CCDC80: variants seen among roughly 807,000 people sequenced by gnomAD.
CCDC80 encodes coiled-coil domain containing 80, also known as coiled-coil domain-containing protein 80.
CCDC80 carries 49 observed loss-of-function variants against 78.7 expected under a neutral mutation model. The ratio of observed to expected loss-of-function variants is 0.62; its 90% CI spans 0.50 to 0.79. CCDC80 has a LOEUF of 0.79. Ranked by LOEUF, CCDC80 falls within the 30% of genes least tolerant of loss-of-function variation. The pLI, the probability that CCDC80 is intolerant of heterozygous loss-of-function variation, is 0.00. For missense variants in CCDC80, 1,205 were observed against 1,198.6 expected (o/e 1.01, Z -0.08); for synonymous variants, 488 against 447.0 (o/e 1.09, Z -1.16).
chr3:112,615,051 T>C (rs1358300160), intron 5 of CCDC80, among the ~76,000 whole-genome samples: 4 of 152,200 alleles, frequency 2.6e-5, no homozygotes, highest in African/African-American at 4.8e-5. Flanking sequence ...TGGATGGAGA[T>C]AGAGCTGCTT....
rs1194645584 is a variant in CCDC80, at chr3:112,597,637, A to G, written c.*7780T>C. The G allele has an allele frequency of 6.6e-6, 1 of 152,182 alleles. No homozygotes were observed. Among genetic ancestry groups the G allele is most frequent in the East Asian group, 1.9e-4 (1 of 5,196 alleles). 9.4% of individuals were successfully genotyped at this position (152,182 alleles called of 1,614,324 possible). On this transcript the variant is annotated 3_prime_UTR_variant, in exon 8 of 8. Transcript: ENST00000206423. Reference sequence around the variant, plus strand: ...GAGAGGTAAAAAATCTTCAGGAGAAACTGTGCCTGAACTGTGAGTATCCAG... The same window carrying G: ...GAGAGGTAAAAAATCTTCAGGAGAAGCTGTGCCTGAACTGTGAGTATCCAG...
In CCDC80 at chr3:112,640,414, T is replaced by C. The variant is rs1936318147; in HGVS notation, c.-99A>G. ...GACAGTTTCCTAGATGAACTACTTTTCCTCCCAGCCCTCTCTCTCTTTACC... is the reference window on the plus strand; with the variant it reads ...GACAGTTTCCTAGATGAACTACTTTCCCTCCCAGCCCTCTCTCTCTTTACC... On this transcript the variant is annotated 5_prime_UTR_variant, in exon 1 of 8. Coordinates refer to ENST00000206423, the MANE Select transcript of CCDC80 (RefSeq NM_199511.3). The C allele has an allele frequency of 6.3e-6, 1 of 158,066 alleles. No individual in the cohort carries two copies. The allele number at this position is 158,066 out of a possible 1,614,324, so 9.8% of individuals were successfully genotyped here. A position where few individuals can be genotyped will look rare whatever the true frequency, so the allele number is the denominator to read the frequency against.
At chr3:112,607,349 T>C (rs1244408005) in intron 6 of CCDC80, 93 bp from the exon 7 acceptor site, 5 of 881,546 alleles carry the variant, frequency 5.7e-6, no homozygotes, top group Non-Finnish European at 8.7e-6. Flanking sequence ...AAAAATCTCT[T>C]AAATTTAAAA....
At position 112,638,894 on chromosome 3, in the gene CCDC80, CAGT is replaced by C; in HGVS notation, c.1009_1011del (p.Thr337del). 6.2e-7 allele frequency: 1 copy of C among 1,613,450 alleles called. No homozygotes were observed. The highest frequency in any genetic ancestry group is 8.5e-7 in the Non-Finnish European group (1 of 1,179,992). On this transcript the variant is annotated inframe_deletion, in exon 2 of 8. Transcript: ENST00000206423. ...GAGGGAGGTTGGGGCAAAGCTGGTG[CAGT>C]GGCGGCCAGTTTTCTCAGGACCTTC...
chr3:112,618,481 C>G (rs1935797803), intron 4 of CCDC80, among the ~76,000 whole-genome samples: 1 of 151,922 alleles, frequency 6.6e-6, no homozygotes, highest in African/African-American at 2.4e-5. Context: ...GAGCCGAGAT[C>G]ACGCCACTGC....
chr3:112,625,501 G>A (rs1252745704), intron 3 of CCDC80, among the ~76,000 whole-genome samples: 1 of 152,130 alleles, frequency 6.6e-6, no homozygotes, highest in African/African-American at 2.4e-5. Context: ...ACAAAATATT[G>A]AAAATAGTCC....
In CCDC80 at chr3:112,639,281, T is replaced by A. The variant is rs1936287530; in HGVS notation, c.625A>T (p.Ile209Phe). 6.2e-7 allele frequency: 1 copy of A among 1,614,162 alleles called. No homozygotes were observed. Among genetic ancestry groups the A allele is most frequent in the Non-Finnish European group, 8.5e-7 (1 of 1,180,022 alleles). ...KVRRITSEGQ[I>F]LEQPLDPSLI... ...CTAGGGTCCAGGGGCTGCTCCAGGA[T>A]CTGGCCCTCGCTGGTGATCCTTCTC... The change falls in exon 2 of 8, where the codon ATC (isoleucine) becomes TTC (phenylalanine). Residue 209 changes from isoleucine (I) to phenylalanine (F), a missense_variant. Coordinates refer to ENST00000206423, the MANE Select transcript of CCDC80 (RefSeq NM_199511.3).
At position 112,638,952 on chromosome 3, in the gene CCDC80, T is replaced by G; in HGVS notation, c.954A>C (p.Ala318=). 6.2e-7 allele frequency: 1 copy of G among 1,613,086 alleles called. No individual in the cohort carries two copies. The highest frequency in any genetic ancestry group is 8.5e-7 in the Non-Finnish European group (1 of 1,179,992). The change falls in exon 2 of 8, where the codon GCA becomes GCC. Residue 318 remains alanine, a synonymous_variant. Transcript: ENST00000206423. The stretch of plus-strand genomic sequence containing the variant: ...GACTCTCTCTGGTTGGTGGGACTTG[T>G]GCTCTCCTTGGGTCCTCTTTCTTCT... The part of the protein sequence containing the change: ...SEKKKEDPRR[A]QVPPTRESRV...
rs75530290 is a variant in CCDC80 at position 112,622,466 on chromosome 3, C to T, written c.2036-3362G>A. Among the ~76,000 whole-genome samples the T allele has an allele frequency of 3.3e-3, 498 of 152,248 alleles. 5 individuals are homozygous for T. Among genetic ancestry groups the T allele is most frequent in the African/African-American group, 0.012 (485 of 41,536 alleles). On this transcript the variant is annotated intron_variant, in intron 3 of 7. Transcript: ENST00000206423. ...AAGCTACATCCTGTCTCAGCTCCTG[C>T]TCCTGCCACCGGTCTTTCTTGAGCT...
rs542943808 is a variant in CCDC80, at chr3:112,630,999, C to T, written c.1879-730G>A. On this transcript the variant is annotated intron_variant, in intron 2 of 7. Transcript: ENST00000206423. ...TCTGTCTTTCATCCTCATCCTATGA[C>T]CCCTGTCTTCTGGGGGAAAAAAAAA... Among the ~76,000 whole-genome samples the T allele has an allele frequency of 2.0e-5, 3 of 151,986 alleles. No individual in the cohort carries two copies. In the South Asian group the frequency reaches 6.2e-4, roughly 32 times the overall value.
At chr3:112,612,027 T>C (rs1935640887) in intron 5 of CCDC80, among the ~76,000 whole-genome samples, 1 of 150,588 alleles carries the variant, frequency 6.6e-6, no homozygotes, top group Non-Finnish European at 1.5e-5. Context: ...TGACATTACA[T>C]TCACTTCCTC....
rs1935371322 is a variant in CCDC80 at position 112,601,397 on chromosome 3, T to C, written c.*4020A>G. ...ATTAATGATTAATAACAGTGGAAAA[T>C]AGCCTTCCCATTATTGTTAGAGGAT... On this transcript the variant is annotated 3_prime_UTR_variant, in exon 8 of 8. Coordinates refer to ENST00000206423, the MANE Select transcript of CCDC80 (RefSeq NM_199511.3). The C allele has an allele frequency of 6.6e-6, 1 of 152,156 alleles. No individual in the cohort carries two copies. The highest frequency in any genetic ancestry group is 1.5e-5 in the Non-Finnish European group (1 of 68,032). The allele number at this position is 152,156 out of a possible 1,614,324, so 9.4% of individuals were successfully genotyped here. A position where few individuals can be genotyped will look rare whatever the true frequency, so the allele number is the denominator to read the frequency against.
chr3:112,610,136 C>A, intron 5 of CCDC80, 55 bp from the exon 6 acceptor site: 2 of 1,483,902 alleles, frequency 1.3e-6, no homozygotes, highest in Non-Finnish European at 1.9e-6. Flanking sequence ...CAATAAAAAC[C>A]AATGTAGGAA....
intron 3 of CCDC80, among the ~76,000 whole-genome samples, chr3:112,625,802 A>T (rs999705660): frequency 6.6e-6 from 1 of 152,200 alleles, no homozygotes; most frequent in Admixed American, 6.5e-5. Flanking sequence ...CAGGAAGGAT[A>T]CAAGACTTGT....
intron 2 of CCDC80, among the ~76,000 whole-genome samples, chr3:112,632,126 G>A (rs1274792930): frequency 6.6e-6 from 1 of 151,860 alleles, no homozygotes; most frequent in Non-Finnish European, 1.5e-5. Flanking sequence ...TAGTTGCTTG[G>A]TTTGTTTTTA....
At position 112,603,864 on chromosome 3, in the gene CCDC80, G is replaced by A. The variant is rs968919151; in HGVS notation, c.*1553C>T. 3 of 152,112 alleles carry A rather than the reference G, an allele frequency of 2.0e-5. No individual in the cohort carries two copies. The highest frequency in any genetic ancestry group is 6.6e-5 in the Admixed American group (1 of 15,254). The allele number at this position is 152,112 out of a possible 1,614,324, so 9.4% of individuals were successfully genotyped here. ...TGCTGTTAAGAACATCGTGATTCAT[G>A]GGAGAAGGTCAAAATAGGAAGATCA... On this transcript the variant is annotated 3_prime_UTR_variant, in exon 8 of 8. Transcript: ENST00000206423.
intron 2 of CCDC80, among the ~76,000 whole-genome samples, chr3:112,636,098 C>G (rs1322364309): frequency 1.3e-5 from 2 of 152,118 alleles, no homozygotes; most frequent in African/African-American, 4.8e-5. Context: ...GCCCTGTTGG[C>G]TAAATGAACA....
intron 7 of CCDC80, among the ~76,000 whole-genome samples, chr3:112,606,342 T>A (rs1935495475): frequency 6.6e-6 from 1 of 152,254 alleles, no homozygotes; most frequent in Non-Finnish European, 1.5e-5. Flanking sequence ...TTTAAAGAGC[T>A]TGGTCTTGGA....
At chr3:112,631,804 C>T (rs576432538) in intron 2 of CCDC80, among the ~76,000 whole-genome samples, 10 of 152,306 alleles carry the variant, frequency 6.6e-5, no homozygotes, top group African/African-American at 2.4e-4. Flanking sequence ...TGACAAAATA[C>T]TCTCCCTCAA....
Sources: allele counts gnomAD v4.1 joint callset (sites outside exome capture counted in the v4.1 genomes callset), GRCh38; gene constraint gnomAD v4.1.1; transcripts MANE v1.5; gene names NCBI Gene and HGNC (gene_info 2026-07-23, HGNC 2026-07-21).